Variants in KALRN observed in about 807,000 individuals in gnomAD.
The protein encoded by KALRN is kalirin RhoGEF kinase.
KALRN carries 70 observed loss-of-function variants against 353.7 expected under a neutral mutation model. The observed-to-expected ratio is 0.20, with a 90% CI of 0.16 to 0.24. The LOEUF (loss-of-function observed/expected upper bound fraction) is 0.24, where lower values mean the gene tolerates loss of function less well. Ranked by LOEUF, KALRN falls within the 10% of genes least tolerant of loss-of-function variation. The probability of loss-of-function intolerance (pLI) is 1.00; values close to 1 mark genes in which losing one functional copy is unlikely to be tolerated. For synonymous variants in KALRN, 1,391 were observed against 1,434.8 expected (o/e 0.97, Z 0.69); for missense variants, 2,791 against 3,756.7 (o/e 0.74, Z 6.72).
At chr3:124,477,744 C>G (rs80313741) in intron 27 of KALRN, among the ~76,000 whole-genome samples, 2,537 of 152,234 alleles carry the variant, frequency 0.017, 84 homozygotes, top group East Asian at 0.083. Flanking sequence ...TGCGGGGAGC[C>G]CAACAACCTG....
At chr3:124,699,838 T>C in intron 55 of KALRN, 31 bp from the exon 56 acceptor site, 1 of 1,611,446 alleles carries the variant, frequency 6.2e-7, no homozygotes, top group Non-Finnish European at 8.5e-7. Flanking sequence ...TTGGCTTTTC[T>C]CTTTCCCTCT....
At chr3:124,149,306 G>A (rs2067773595) in intron 1 of KALRN, among the ~76,000 whole-genome samples, 1 of 152,152 alleles carries the variant, frequency 6.6e-6, no homozygotes. Context: ...ATGACCTTTT[G>A]TAGTAGAGTC....
chr3:124,181,076 CAAAAAAAAA>C (rs60579271), intron 1 of KALRN, among the ~76,000 whole-genome samples: 14 of 55,260 alleles, frequency 2.5e-4, no homozygotes, highest in Non-Finnish European at 3.5e-4. Context: ...ACTAAAAATA[CAAAAAAAAA>C]AAAAAAAAAA....
At chr3:124,453,450 A>G (rs2107528487) in intron 21 of KALRN, among the ~76,000 whole-genome samples, 1 of 152,200 alleles carries the variant, frequency 6.6e-6, no homozygotes, top group African/African-American at 2.4e-5. Flanking sequence ...CTCTTTCTCC[A>G]GCATTTCTTG....
intron 56 of KALRN, 58 bp downstream of exon 56, chr3:124,700,091 T>C: frequency 6.4e-7 from 1 of 1,550,670 alleles, no homozygotes; most frequent in East Asian, 2.2e-5. Context: ...CCTGGCTGCC[T>C]GTCACAGACT....
chr3:124,369,691 T>C (rs575177429), intron 10 of KALRN, among the ~76,000 whole-genome samples: 1 of 152,286 alleles, frequency 6.6e-6, no homozygotes, highest in East Asian at 1.9e-4. Flanking sequence ...CTCTTGAACA[T>C]GTTCTTCTAT....
chr3:124,719,095 C>T lies in KALRN; in HGVS notation c.8586C>T (p.Asp2862=), dbSNP rs1042372159. The T allele has an allele frequency of 1.2e-6, 2 of 1,614,274 alleles. No individual in the cohort carries two copies. Among genetic ancestry groups the T allele is most frequent in the South Asian group, 1.1e-5 (1 of 91,092 alleles). Residue 2862 remains aspartate (D), a synonymous_variant, in exon 60 of 60, where the codon GAC becomes GAT. Coordinates refer to ENST00000682506, the MANE Select transcript of KALRN (RefSeq NM_001388419.1). This position sits in a 1 kb window ranked among gnomAD's most constrained non-coding sequence, Gnocchi z 5.3. ...GCATCCCCGTCTCCCTGGGGACAGA[C>T]ATCTGGAGCATCGGGGTTCTGACAT... ...IQGIPVSLGT[D]IWSIGVLTYV... is the part of the protein sequence containing the mutation.
intron 32 of KALRN, among the ~76,000 whole-genome samples, chr3:124,495,821 G>A (rs2063655573): frequency 6.8e-6 from 1 of 146,426 alleles, no homozygotes; most frequent in Non-Finnish European, 1.5e-5. Context: ...CTTAATTACA[G>A]CATGTACAAA....
chr3:124,163,465 C>T (rs575408850), intron 1 of KALRN: 10 of 253,932 alleles, frequency 3.9e-5, no homozygotes, highest in African/African-American at 9.2e-5. Context: ...TGACAAATCA[C>T]GTTGCAAGTA....
intron 3 of KALRN, among the ~76,000 whole-genome samples, chr3:124,258,279 A>T (rs1172960046): frequency 6.6e-6 from 1 of 152,154 alleles, no homozygotes; most frequent in African/African-American, 2.4e-5. Flanking sequence ...TCCAGCATTT[A>T]TTCTGGCCCC....
chr3:124,519,805 G>A (rs981228884), intron 33 of KALRN: 50 of 985,186 alleles, frequency 5.1e-5, no homozygotes, highest in Non-Finnish European at 2.4e-5. Context: ...TCTTTTTTCC[G>A]TATGTCACTT....
chr3:124,504,175 T>C (rs1322687612), intron 33 of KALRN, among the ~76,000 whole-genome samples: 1 of 152,136 alleles, frequency 6.6e-6, no homozygotes, highest in Non-Finnish European at 1.5e-5. Flanking sequence ...ATGAGATCTA[T>C]AGGTGATAGC....
At chr3:124,064,156 A>G (rs1338720025) in intron 1 of KALRN, among the ~76,000 whole-genome samples, 1 of 152,192 alleles carries the variant, frequency 6.6e-6, no homozygotes, top group Non-Finnish European at 1.5e-5. Flanking sequence ...AGGGGAGACA[A>G]CCAAGAAGAT....
intron 7 of KALRN, 40 bp from the exon 8 acceptor site, chr3:124,329,821 C>G (rs561299189): frequency 1.0e-5 from 16 of 1,599,486 alleles, no homozygotes; most frequent in Non-Finnish European, 1.4e-5. Context: ...CTCCTCACCC[C>G]CAGTGCTCCC....
At chr3:124,476,629 AT>A (rs1322942571) in intron 26 of KALRN, among the ~76,000 whole-genome samples, 1 of 152,014 alleles carries the variant, frequency 6.6e-6, no homozygotes, top group African/African-American at 2.4e-5. Context: ...AGAGTCTTGA[AT>A]TTTCACCCAG....
chr3:124,205,184 A>G (rs1433721201), intron 1 of KALRN, among the ~76,000 whole-genome samples: 1 of 152,234 alleles, frequency 6.6e-6, no homozygotes, highest in Non-Finnish European at 1.5e-5. Context: ...TGGTGTTTGT[A>G]ACATTTGCTG....
rs559068694 is a variant in KALRN, at chr3:124,469,061, T to C, written c.4032-5602T>C. ...TTGCTAAACACCACCTTATTGGAGA[T>C]GAGTAACATTAAGCATAAGATTAAT... On this transcript the variant is annotated intron_variant, in intron 25 of 59. Coordinates refer to ENST00000682506, the MANE Select transcript of KALRN (RefSeq NM_001388419.1). 2.1e-3 allele frequency among the ~76,000 whole-genome samples: 315 copies of C among 152,384 alleles called. 1 individual carries two copies. The highest frequency in any genetic ancestry group is 3.6e-3 in the Non-Finnish European group (246 of 68,042).
At chr3:124,116,171 G>A (rs976582803) in intron 1 of KALRN, among the ~76,000 whole-genome samples, 1 of 152,156 alleles carries the variant, frequency 6.6e-6, no homozygotes, top group Non-Finnish European at 1.5e-5. Flanking sequence ...CTTTGGTCAT[G>A]GCTAGAGACT....
chr3:124,474,824 C>T (rs1387907341), intron 26 of KALRN, 92 bp downstream of exon 26: 2 of 1,004,694 alleles, frequency 2.0e-6, no homozygotes, highest in Non-Finnish European at 3.2e-6. Flanking sequence ...GCCAGTCTCA[C>T]ACAAGACCAG....
Sources: gnomAD v4.1 joint callset for allele counts (sites outside exome capture counted in the v4.1 genomes callset) on GRCh38, gnomAD v4.1.1 for gene constraint, Gnocchi (gnomAD v3.1) non-coding constraint, MANE v1.5 for transcripts, NCBI Gene and HGNC (gene_info 2026-07-23, HGNC 2026-07-21) for gene names.